Variants in FBXO25 observed in about 807,000 individuals in gnomAD.
The protein encoded by FBXO25 is F-box protein 25.
A neutral mutation model predicts 51.9 loss-of-function variants in FBXO25; 45 were observed. That is an observed-to-expected ratio of 0.87 (90% CI 0.68 to 1.11). The LOEUF is 1.11. FBXO25 is among the 50% of genes most tolerant of loss of function. The pLI is 0.00. For synonymous variants in FBXO25, 199 were observed against 151.0 expected, an observed-to-expected ratio of 1.32 and a Z score of -2.33; for missense variants, 507 against 428.5, an observed-to-expected ratio of 1.18 and a Z score of -1.62.
intron 2 of FBXO25, among the ~76,000 whole-genome samples, chr8:422,640 T>C (rs1478017380): frequency 2.0e-5 from 3 of 152,200 alleles, no homozygotes; most frequent in African/African-American, 7.2e-5. Context: ...CCTCTGAAAC[T>C]CTTGTGCAAG....
intron 9 of FBXO25, among the ~76,000 whole-genome samples, chr8:465,954 A>G (rs1221165016): frequency 1.3e-5 from 2 of 152,138 alleles, no homozygotes; most frequent in Non-Finnish European, 2.9e-5. Context: ...TGATCATATC[A>G]TGGAAATTGA....
At chr8:462,615 G>C (rs1198122856) in intron 8 of FBXO25, among the ~76,000 whole-genome samples, 1 of 152,134 alleles carries the variant, frequency 6.6e-6, no homozygotes, top group African/African-American at 2.4e-5. Context: ...TAGACCTGGA[G>C]GCCATTATTC....
intron 5 of FBXO25, 145 bp from the exon 6 acceptor site, chr8:449,845 T>G: frequency 3.2e-6 from 2 of 622,434 alleles, no homozygotes; most frequent in Admixed American, 3.1e-5. Flanking sequence ...AGTGACTGTT[T>G]CCTATACTTG....
At chr8:447,802 T>C (rs1187604756) in intron 5 of FBXO25, among the ~76,000 whole-genome samples, 3 of 152,216 alleles carry the variant, frequency 2.0e-5, no homozygotes, top group Non-Finnish European at 4.4e-5. Flanking sequence ...AATTTTCCAC[T>C]TGTGGCATCA....
chr8:445,974 A>T (rs1054812408), intron 5 of FBXO25, among the ~76,000 whole-genome samples: 1 of 151,354 alleles, frequency 6.6e-6, no homozygotes, highest in African/African-American at 2.4e-5. Context: ...TCTGCTCCTG[A>T]GTTCAGTCTT....
intron 1 of FBXO25, among the ~76,000 whole-genome samples, chr8:411,719 A>G (rs549336856): frequency 7.2e-5 from 11 of 152,262 alleles, no homozygotes; most frequent in African/African-American, 2.6e-4. Flanking sequence ...ACAACTATGA[A>G]GGCACTAGAT....
rs1322847044 is a variant in FBXO25 at position 474,189 on chromosome 8, T to C, written c.*5385T>C. 1.9e-5 allele frequency: 3 copies of C among 161,260 alleles called. No individual in the cohort carries two copies. Among genetic ancestry groups the C allele is most frequent in the African/African-American group, 7.2e-5 (3 of 41,570 alleles). 10.0% of individuals were successfully genotyped at this position (161,260 alleles called of 1,614,324 possible). A position where few individuals can be genotyped will look rare whatever the true frequency, so the allele number is the denominator to read the frequency against. On this transcript the variant is annotated 3_prime_UTR_variant, in exon 10 of 10. Transcript: ENST00000350302. Reference sequence around the variant, plus strand: ...ATTTGACTTCTGTAGGGACCTCGTATGAGTGGAACCAGAAGGGATTTGTCC... The same window carrying C: ...ATTTGACTTCTGTAGGGACCTCGTACGAGTGGAACCAGAAGGGATTTGTCC...
Position 473,056 on chromosome 8 carries a change from C to T in FBXO25, c.*4252C>T, listed in dbSNP as rs1436197191. On this transcript the variant is annotated 3_prime_UTR_variant, in exon 10 of 10. Coordinates refer to ENST00000350302, the MANE Select transcript of FBXO25 (RefSeq NM_183420.2). ...CTAACCAGCACCAGCCATTGGGGCC[C>T]TCTATGGCTGACACCAGCATCCACC... 1 of 152,470 alleles carries T rather than the reference C, an allele frequency of 6.6e-6. No homozygotes were observed. The highest frequency in any genetic ancestry group is 6.5e-5 in the Admixed American group (1 of 15,292). The allele number at this position is 152,470 out of a possible 1,614,324, so 9.4% of individuals were successfully genotyped here.
intron 8 of FBXO25, 82 bp from the exon 9 acceptor site, chr8:462,925 A>T (rs1039240150): frequency 1.2e-5 from 18 of 1,489,542 alleles, no homozygotes; most frequent in Non-Finnish European, 1.6e-5. Flanking sequence ...AAAAACTAAA[A>T]TAAAATGAAA....
At position 464,054 on chromosome 8, in the gene FBXO25, C is replaced by T. The variant is rs536285975; in HGVS notation, c.987+904C>T. On this transcript the variant is annotated intron_variant, in intron 9 of 9. Transcript: ENST00000350302. ...GCGCAATTATGGCTCACTTCAGCCC[C>T]GACTTCTGGGCTCAAGTGATTCTCC... is the stretch of plus-strand genomic sequence containing the variant. 1.3e-3 allele frequency among the ~76,000 whole-genome samples: 198 copies of T among 152,262 alleles called. 2 individuals are homozygous for T. Among genetic ancestry groups the T allele is most frequent in the Non-Finnish European group, 2.5e-3 (167 of 68,012 alleles).
At chr8:410,538 T>G (rs1796426352) in intron 1 of FBXO25, among the ~76,000 whole-genome samples, 1 of 152,178 alleles carries the variant, frequency 6.6e-6, no homozygotes, top group Admixed American at 6.5e-5. Context: ...TTGAATGTGT[T>G]TTATGAGACT....
In FBXO25 at chr8:458,420, A is replaced by C. The variant is rs1394916949; in HGVS notation, c.712A>C (p.Asn238His). ...LSDLPLHMLN[N>H]ILYRFSDGWD... is the part of the protein sequence containing the mutation. ...TGACCTTCCTCTGCACATGCTGAAC[A>C]ACATCCTATACCGGTTCTCAGACGG... is the stretch of plus-strand genomic sequence containing the variant. The change falls in exon 8 of 10, where the codon AAC (asparagine) becomes CAC (histidine). Residue 238 changes from asparagine (N) to histidine (H), a missense_variant. Physicochemically the swap from Asn to His is moderately conservative, Grantham distance 68. Coordinates refer to ENST00000350302, the MANE Select transcript of FBXO25 (RefSeq NM_183420.2). The C allele has an allele frequency of 1.2e-6, 2 of 1,614,184 alleles. No individual in the cohort carries two copies.
At chr8:467,675 C>T in intron 9 of FBXO25, 1 of 1,605,200 alleles carries the variant, frequency 6.2e-7, no homozygotes, top group Non-Finnish European at 8.5e-7. Flanking sequence ...TTTTTTCCCT[C>T]CCTTCACTGC....
At chr8:455,992 C>T (rs979165814) in intron 7 of FBXO25, among the ~76,000 whole-genome samples, 3 of 152,236 alleles carry the variant, frequency 2.0e-5, no homozygotes, top group Admixed American at 6.5e-5. Context: ...TATAACTCTA[C>T]TAATCCGGGA....
chr8:445,227 T>G (rs904351786), intron 5 of FBXO25, among the ~76,000 whole-genome samples: 2 of 152,228 alleles, frequency 1.3e-5, no homozygotes, highest in Middle Eastern at 3.2e-3. Context: ...CTGACCGTGC[T>G]AAGCTAATCC....
chr8:411,605 T>C (rs1238414047), intron 1 of FBXO25, among the ~76,000 whole-genome samples: 1 of 152,214 alleles, frequency 6.6e-6, no homozygotes, highest in African/African-American at 2.4e-5. Flanking sequence ...TCCTGTTGTT[T>C]TCCTGGCATT....
chr8:421,397 C>T (rs1348313211), intron 2 of FBXO25, among the ~76,000 whole-genome samples: 1 of 152,224 alleles, frequency 6.6e-6, no homozygotes, highest in Admixed American at 6.5e-5. Context: ...TTATCAGTAA[C>T]TTTGGAAAAC....
intron 5 of FBXO25, among the ~76,000 whole-genome samples, chr8:436,394 C>T (rs1314950690): frequency 6.6e-6 from 1 of 152,154 alleles, no homozygotes; most frequent in Non-Finnish European, 1.5e-5. Flanking sequence ...AAAAATGTTG[C>T]TTTTAATTGC....
chr8:415,970 G>A (rs1350946565), intron 2 of FBXO25, among the ~76,000 whole-genome samples: 2 of 152,146 alleles, frequency 1.3e-5, no homozygotes, highest in African/African-American at 4.8e-5. Context: ...GTTGTTCCTT[G>A]TCTTTTATGA....
Sources: gnomAD v4.1 joint callset for allele counts (sites outside exome capture counted in the v4.1 genomes callset) on GRCh38, gnomAD v4.1.1 for gene constraint, MANE v1.5 for transcripts, NCBI Gene and HGNC (gene_info 2026-07-23, HGNC 2026-07-21) for gene names.